DHX30: variants seen among roughly 807,000 people sequenced by gnomAD.
DHX30 encodes DExH-box helicase 30.
In DHX30, 4 loss-of-function variants were observed where a neutral mutation model predicts 116.9. The observed-to-expected ratio is 0.03, with a 90% CI of 0.02 to 0.08. The LOEUF (loss-of-function observed/expected upper bound fraction) is 0.08. DHX30 is among the 10% of genes least tolerant of loss of function. DHX30 has a pLI of 1.00. For missense variants in DHX30, 871 were observed against 1,595.1 expected, an observed-to-expected ratio of 0.55 and a Z score of 7.73; for synonymous variants, 697 against 651.7, an observed-to-expected ratio of 1.07 and a Z score of -1.06.
chr3:47,832,914 C>T (rs1460917641), intron 6 of DHX30, among the ~76,000 whole-genome samples: 2 of 149,614 alleles, frequency 1.3e-5, no homozygotes, highest in Non-Finnish European at 3.0e-5. Flanking sequence ...GCTGGGATTA[C>T]AGGTGTGATC....
At chr3:47,817,627 G>A (rs374651684) in intron 3 of DHX30, among the ~76,000 whole-genome samples, 4 of 152,188 alleles carry the variant, frequency 2.6e-5, no homozygotes, top group South Asian at 4.1e-4. Flanking sequence ...TAGCAAAGGC[G>A]TAGGTAGCTA....
chr3:47,848,205 T>C lies in DHX30; in HGVS notation c.2312T>C (p.Val771Ala), dbSNP rs776276448. 1.2e-6 allele frequency: 2 copies of C among 1,613,676 alleles called. No homozygotes were observed. The highest frequency in any genetic ancestry group is 3.3e-5 in the Admixed American group (2 of 60,022). ...GTGTCCTGCCTGGAGACAGTGTGGGTATCAAGAGCCAATGTGATCCAGCGC... is the reference window on the plus strand; with the variant it reads ...GTGTCCTGCCTGGAGACAGTGTGGGCATCAAGAGCCAATGTGATCCAGCGC... ...TKVSCLETVW[V>A]SRANVIQRRG... Residue 771 changes from valine to alanine, a missense_variant, in exon 15 of 22, where the codon GTA (valine) becomes GCA (alanine). This residue lies in a region of DHX30 where 20 missense variants were observed against 82.2 expected (regional missense o/e 0.24). Coordinates refer to ENST00000445061, the MANE Select transcript of DHX30 (RefSeq NM_138615.3). This position sits in a 1 kb window ranked among gnomAD's most constrained non-coding sequence, Gnocchi z 9.4.
At position 47,841,026 on chromosome 3, in the gene DHX30, T is replaced by A. The variant is rs1465125711; in HGVS notation, c.516T>A (p.Ser172Arg). 1.2e-6 allele frequency: 2 copies of A among 1,613,548 alleles called. No individual in the cohort carries two copies. The highest frequency in any genetic ancestry group is 2.2e-5 in the South Asian group (2 of 91,042). ...PTSWRQLNPESIRPGGPGGLS... is the reference protein window; with the variant it reads ...PTSWRQLNPERIRPGGPGGLS... ...CCTGGCGGCAGCTGAATCCAGAGAGTATTCGACCAGGGGGACCTGGGGGCC... is the reference window on the plus strand; with the variant it reads ...CCTGGCGGCAGCTGAATCCAGAGAGAATTCGACCAGGGGGACCTGGGGGCC... Residue 172 changes from serine (S) to arginine (R), a missense_variant, in exon 7 of 22, where the codon AGT (serine) becomes AGA (arginine). Transcript: ENST00000445061.
chr3:47,836,715 C>T (rs1416096727), intron 6 of DHX30, among the ~76,000 whole-genome samples: 1 of 152,052 alleles, frequency 6.6e-6, no homozygotes, highest in East Asian at 1.9e-4. Context: ...GACAGGGTTT[C>T]ACCATATTGG....
rs1349670664 is a variant in DHX30, at chr3:47,847,794, C to T, written c.2124C>T (p.Ile708=). The T allele has an allele frequency of 2.4e-5, 38 of 1,613,784 alleles. No homozygotes were observed. The highest frequency in any genetic ancestry group is 2.9e-5 in the Non-Finnish European group (34 of 1,179,884). Residue 708 remains isoleucine, a synonymous_variant, in exon 14 of 22, where the codon ATC becomes ATT. Coordinates refer to ENST00000445061, the MANE Select transcript of DHX30 (RefSeq NM_138615.3). The surrounding 1 kb of genome is among the most constrained non-coding windows in gnomAD (Gnocchi z 5.5). ...CTTGCCCACCAGTGCACTCCAACAT[C>T]CCCATGATGGATCAGAAGGCCATAT... The part of the protein sequence containing the change: ...KYLILPVHSN[I]PMMDQKAIFQ...
chr3:47,847,656 C>T lies in DHX30; in HGVS notation c.2110+120C>T. Reference sequence around the variant, plus strand: ...TCTGACCAAGCTGTGGCACTTTTCACTGGGCATAGTGTTTATCTGCGCCTG... The same window carrying T: ...TCTGACCAAGCTGTGGCACTTTTCATTGGGCATAGTGTTTATCTGCGCCTG... On this transcript the variant is annotated intron_variant, in intron 13 of 21. Transcript: ENST00000445061. The surrounding 1 kb of genome is among the most constrained non-coding windows in gnomAD (Gnocchi z 5.5). 7 of 1,459,112 alleles carry T rather than the reference C, an allele frequency of 4.8e-6. No homozygotes were observed. Among genetic ancestry groups the T allele is most frequent in the Non-Finnish European group, 6.4e-6 (7 of 1,087,436 alleles). The allele number at this position is 1,459,112 out of a possible 1,614,324, so 90.4% of individuals were successfully genotyped here. A position where few individuals can be genotyped will look rare whatever the true frequency, so the allele number is the denominator to read the frequency against.
At chr3:47,815,723 C>CAAAAAAAAAAAAAAAAAAAA (rs11349970) in intron 3 of DHX30, among the ~76,000 whole-genome samples, 2 of 20,758 alleles carry the variant, frequency 9.6e-5, no homozygotes, top group Non-Finnish European at 1.6e-4. Context: ...TAAAAAAGAG[C>CAAAAAAAAAAAAAAAAAAAA]AAAAAAAAAA....
chr3:47,847,017 A>T lies in DHX30; in HGVS notation c.1929+16A>T. ...GCACCATGAGGTGAGGGACACCCCC[A>T]TCCCACCCAAGGCTCCTGGCCTTTC... On this transcript the variant is annotated intron_variant, in intron 11 of 21. Coordinates refer to ENST00000445061, the MANE Select transcript of DHX30 (RefSeq NM_138615.3). This position sits in a 1 kb window ranked among gnomAD's most constrained non-coding sequence, Gnocchi z 5.5. 6.2e-7 allele frequency: 1 copy of T among 1,600,204 alleles called. No homozygotes were observed. The highest frequency in any genetic ancestry group is 8.5e-7 in the Non-Finnish European group (1 of 1,172,488).
Position 47,846,559 on chromosome 3 carries a change from C to T in DHX30, c.1487C>T (p.Ala496Val), listed in dbSNP as rs1177088850. 1.2e-6 allele frequency: 2 copies of T among 1,614,152 alleles called. No individual in the cohort carries two copies. Among genetic ancestry groups the T allele is most frequent in the Non-Finnish European group, 1.7e-6 (2 of 1,180,046 alleles). ...ATCACCCAACCTCGCCGCATCTCTG[C>T]TGTGTCTGTGGCACAGCGGGTCAGC... Reference protein sequence around the residue: ...VIITQPRRISAVSVAQRVSHE... With the variant: ...VIITQPRRISVVSVAQRVSHE... The change falls in exon 11 of 22, where the codon GCT becomes GTT. Residue 496 changes from alanine to valine, a missense_variant. Physicochemically the swap from Ala to Val is moderately conservative, Grantham distance 64. Around this residue, in one of 13 missense-constraint regions of DHX30, gnomAD observed 63 missense variants for 180.6 expected, o/e 0.35. Transcript: ENST00000445061.
intron 4 of DHX30, among the ~76,000 whole-genome samples, chr3:47,826,447 T>TC (rs1316231043): frequency 1.7e-4 from 26 of 149,330 alleles, no homozygotes; most frequent in African/African-American, 4.6e-4. Flanking sequence ...TTTCTTTCTT[T>TC]TTTTTTTTTT....
intron 4 of DHX30, among the ~76,000 whole-genome samples, chr3:47,822,552 C>T (rs532449078): frequency 5.9e-5 from 9 of 151,940 alleles, no homozygotes; most frequent in Non-Finnish European, 1.2e-4. Context: ...TTTGGGAGGC[C>T]GAGGTGGGTG....
intron 6 of DHX30, among the ~76,000 whole-genome samples, chr3:47,838,405 C>T (rs1174121826): frequency 6.6e-6 from 1 of 152,204 alleles, no homozygotes; most frequent in African/African-American, 2.4e-5. Flanking sequence ...GAACATATAT[C>T]TCCATGGATT....
In DHX30 at chr3:47,805,317, A is replaced by G. The variant is rs957924595; in HGVS notation, c.-122-9A>G. On this transcript the variant is annotated splice_polypyrimidine_tract_variant and intron_variant, in intron 1 of 21. Transcript: ENST00000445061. ...CTCCACTGTATTGACTCAGCGTTGT[A>G]CTTCTCAGGAGGAGGCCCAGCCTCG... 3.3e-5 allele frequency: 13 copies of G among 399,062 alleles called. No individual in the cohort carries two copies. The highest frequency in any genetic ancestry group is 4.9e-5 in the Non-Finnish European group (11 of 226,058). 24.7% of individuals were successfully genotyped at this position (399,062 alleles called of 1,614,324 possible).
chr3:47,806,635 T>C (rs2035538617), intron 2 of DHX30, among the ~76,000 whole-genome samples: 1 of 151,864 alleles, frequency 6.6e-6, no homozygotes, highest in South Asian at 2.1e-4. Context: ...TTAGTGAAGA[T>C]GGGGTTTTAC....
chr3:47,821,508 A>C (rs917606203), intron 4 of DHX30, among the ~76,000 whole-genome samples: 1 of 151,886 alleles, frequency 6.6e-6, no homozygotes, highest in African/African-American at 2.4e-5. Flanking sequence ...ACCTCAGGCA[A>C]TCTGCCCGCT....
Position 47,819,361 on chromosome 3 carries a change from C to T in DHX30, c.124+1244C>T, listed in dbSNP as rs986285937. 2.0e-5 allele frequency: 23 copies of T among 1,141,432 alleles called. No homozygotes were observed. The Middle Eastern group carries it at 6.8e-4, about 34-fold the overall frequency. 70.7% of individuals were successfully genotyped at this position (1,141,432 alleles called of 1,614,324 possible). On this transcript the variant is annotated intron_variant, in intron 4 of 21. Transcript: ENST00000445061. ...GTTGGCTAGGCAGTGCCTTCTTGAG[C>T]ACACGCGGAGGAGAACACTGATCGC...
chr3:47,828,637 G>C (rs182460541), intron 5 of DHX30, among the ~76,000 whole-genome samples: 1 of 152,104 alleles, frequency 6.6e-6, no homozygotes, highest in African/African-American at 2.4e-5. Context: ...TGGGCGTGGT[G>C]GTGGGCACCT....
intron 3 of DHX30, among the ~76,000 whole-genome samples, chr3:47,813,699 T>C (rs2035902921): frequency 6.6e-6 from 1 of 152,170 alleles, no homozygotes; most frequent in Non-Finnish European, 1.5e-5. Context: ...CTTCTCTCTC[T>C]CTAAGTTGTG....
At position 47,847,588 on chromosome 3, in the gene DHX30, T is replaced by C; in HGVS notation, c.2110+52T>C. The C allele has an allele frequency of 6.6e-7, 1 of 1,509,538 alleles. No individual in the cohort carries two copies. The highest frequency in any genetic ancestry group is 8.9e-7 in the Non-Finnish European group (1 of 1,122,504). 93.5% of individuals were successfully genotyped at this position (1,509,538 alleles called of 1,614,324 possible). On this transcript the variant is annotated intron_variant, in intron 13 of 21. Coordinates refer to ENST00000445061, the MANE Select transcript of DHX30 (RefSeq NM_138615.3). This position sits in a 1 kb window ranked among gnomAD's most constrained non-coding sequence, Gnocchi z 5.5. ...GACCTTTGGAAACCAGCCTGACCTC[T>C]GTCCTAGGGACTGACCCAACTGGGA...
Sources: gnomAD v4.1 joint callset for allele counts (sites outside exome capture counted in the v4.1 genomes callset) on GRCh38, gnomAD v4.1.1 for gene constraint, gnomAD v4.1.1 regional missense constraint, Gnocchi (gnomAD v3.1) non-coding constraint, MANE v1.5 for transcripts, NCBI Gene and HGNC (gene_info 2026-07-23, HGNC 2026-07-21) for gene names.